P2RY10: variants seen among roughly 807,000 people sequenced by gnomAD.
The protein encoded by P2RY10 is putative P2Y purinoceptor 10.
P2RY10 carries 4 observed loss-of-function variants against 12.1 expected under a neutral mutation model. That is an observed-to-expected ratio of 0.33 (90% CI 0.16 to 0.76). The LOEUF (loss-of-function observed/expected upper bound fraction) is 0.76. P2RY10 is among the 30% of genes least tolerant of loss of function. The pLI is 0.61. For synonymous variants in P2RY10, 112 were observed against 94.1 expected (o/e 1.19, Z -1.10); for missense variants, 233 against 264.6 (o/e 0.88, Z 0.83).
intron 3 of P2RY10, among the ~76,000 whole-genome samples, chrX:78,956,178 A>G (rs890414842): frequency 9.0e-6 from 1 of 111,595 alleles, no homozygotes; most frequent in Non-Finnish European, 1.9e-5. Flanking sequence ...GAGACCTTGG[A>G]CTGTGCTAGT....
Position 78,960,584 on chromosome X carries a change from G to A in P2RY10, c.64G>A (p.Glu22Lys), listed in dbSNP as rs750724183. The change falls in exon 4 of 4, where the codon GAG becomes AAG. Residue 22 changes from glutamate to lysine, a missense_variant. By Grantham distance (56) the Glu-to-Lys change is moderately conservative. Coordinates refer to ENST00000171757, the MANE Select transcript of P2RY10 (RefSeq NM_014499.4). ...KMGSNSTSTA[E>K]IYCNVTNVKF... is the part of the protein sequence containing the mutation. The stretch of plus-strand genomic sequence containing the variant: ...GGGTAGCAACAGTACCAGCACTGCT[G>A]AGATTTACTGTAATGTCACTAATGT... The A allele has an allele frequency of 1.3e-5, 16 of 1,207,448 alleles. No homozygotes were observed. The highest frequency in any genetic ancestry group is 1.7e-5 in the Non-Finnish European group (15 of 891,583).
chrX:78,952,997 G>A (rs746317086), intron 3 of P2RY10, among the ~76,000 whole-genome samples: 1 of 111,443 alleles, frequency 9.0e-6, no homozygotes, highest in East Asian at 2.8e-4. Context: ...GCAAAAAGAG[G>A]GTAGAGGAAA....
In P2RY10 at chrX:78,960,702, G is replaced by A. The variant is rs769811073; in HGVS notation, c.182G>A (p.Arg61His). The change falls in exon 4 of 4, where the codon CGC becomes CAC. Residue 61 changes from arginine (R) to histidine (H), a missense_variant. Coordinates refer to ENST00000171757, the MANE Select transcript of P2RY10 (RefSeq NM_014499.4). ...AGTGCAGCCTTGTGGGTTCTGTGCC[G>A]CTTCATCAGCAAGAAAAATAAAGCC... The part of the protein sequence containing the change: ...ANSAALWVLC[R>H]FISKKNKAII... 5.8e-6 allele frequency: 7 copies of A among 1,209,892 alleles called. No individual in the cohort carries two copies. Among genetic ancestry groups the A allele is most frequent in the South Asian group, 3.5e-5 (2 of 56,866 alleles).
chrX:78,947,504 G>T (rs2742210), intron 1 of P2RY10, among the ~76,000 whole-genome samples: 3 of 112,238 alleles, frequency 2.7e-5, no homozygotes, highest in African/African-American at 9.7e-5. Context: ...GGAGTCAGAA[G>T]TCTGTGTTAT....
At chrX:78,957,387 C>CACACACACACAGAGAG (rs760263078) in intron 3 of P2RY10, among the ~76,000 whole-genome samples, 1 of 75,811 alleles carries the variant, frequency 1.3e-5, no homozygotes, top group Non-Finnish European at 2.7e-5. Flanking sequence ...CACACACACA[C>CACACACACACAGAGAG]AGAGAGAGAG....
At chrX:78,949,274 A>G in intron 2 of P2RY10, among the ~76,000 whole-genome samples, 1 of 111,859 alleles carries the variant, frequency 8.9e-6, no homozygotes, top group East Asian at 2.8e-4. Flanking sequence ...AGTTCCTTGT[A>G]GATTCTAGTT....
chrX:78,962,328 A>G lies in P2RY10; in HGVS notation c.*788A>G, dbSNP rs936515072. 9.0e-6 allele frequency among the ~76,000 whole-genome samples: 1 copy of G among 111,213 alleles called. No homozygotes were observed. The highest frequency in any genetic ancestry group is 1.9e-5 in the Non-Finnish European group (1 of 53,071). On this transcript the variant is annotated 3_prime_UTR_variant, in exon 4 of 4. Transcript: ENST00000171757. ...TAACATCTCATCTTGCCCTCCTAAT[A>G]AACCTGTGGAAGTTGCCGATACAAA... is the stretch of plus-strand genomic sequence containing the variant.
chrX:78,959,903 C>T (rs1360971604), intron 3 of P2RY10, among the ~76,000 whole-genome samples: 1 of 111,741 alleles, frequency 8.9e-6, no homozygotes, highest in Admixed American at 9.5e-5. Context: ...AGACAAACTG[C>T]AGGATAACCT....
At chrX:78,953,528 T>G (rs976455594) in intron 3 of P2RY10, among the ~76,000 whole-genome samples, 1 of 112,407 alleles carries the variant, frequency 8.9e-6, no homozygotes, top group African/African-American at 3.2e-5. Flanking sequence ...TTTGGAAAAG[T>G]GCAAAACTGC....
chrX:78,950,459 C>G (rs1373064753), intron 2 of P2RY10, among the ~76,000 whole-genome samples: 2 of 111,710 alleles, frequency 1.8e-5, no homozygotes, highest in African/African-American at 3.3e-5. Context: ...AAATCCAGTA[C>G]ACCTTTCTAT....
intron 3 of P2RY10, among the ~76,000 whole-genome samples, chrX:78,959,205 T>C (rs979343857): frequency 9.0e-6 from 1 of 111,548 alleles, no homozygotes; most frequent in African/African-American, 3.3e-5. Context: ...AAAACAAAGA[T>C]GAGGAGAAGG....
intron 3 of P2RY10, among the ~76,000 whole-genome samples, chrX:78,959,108 G>GT (rs748079174): frequency 7.2e-5 from 8 of 110,870 alleles, no homozygotes; most frequent in South Asian, 3.8e-4. Flanking sequence ...TCAGTACATT[G>GT]TTTTTTTTCC....
chrX:78,961,468 A>C lies in P2RY10; in HGVS notation c.948A>C (p.Leu316=). 8.3e-7 allele frequency: 1 copy of C among 1,210,680 alleles called. No individual in the cohort carries two copies. Among genetic ancestry groups the C allele is most frequent in the African/African-American group, 1.7e-5 (1 of 57,640 alleles). ...YFMASEFRDQ[L]SRHGSSVTRS... is the part of the protein sequence containing the mutation. ...TGGCTTCAGAGTTTCGTGACCAACTATCCCGCCATGGCAGTTCTGTGACCC... is the reference window on the plus strand; with the variant it reads ...TGGCTTCAGAGTTTCGTGACCAACTCTCCCGCCATGGCAGTTCTGTGACCC... Residue 316 remains leucine, a synonymous_variant, in exon 4 of 4, where the codon CTA becomes CTC. Coordinates refer to ENST00000171757, the MANE Select transcript of P2RY10 (RefSeq NM_014499.4).
At chrX:78,953,717 C>T (rs1470616435) in intron 3 of P2RY10, among the ~76,000 whole-genome samples, 1 of 111,384 alleles carries the variant, frequency 9.0e-6, no homozygotes, top group Admixed American at 9.5e-5. Context: ...ATACTATGTC[C>T]CAAAAAACCC....
chrX:78,956,440 A>C (rs1157088811), intron 3 of P2RY10, among the ~76,000 whole-genome samples: 2 of 111,774 alleles, frequency 1.8e-5, no homozygotes, highest in East Asian at 5.6e-4. Context: ...TTGTTTAAGC[A>C]GTTCAGTTCA....
At chrX:78,954,450 A>G (rs1261750595) in intron 3 of P2RY10, among the ~76,000 whole-genome samples, 4 of 110,854 alleles carry the variant, frequency 3.6e-5, no homozygotes, top group Admixed American at 1.9e-4. Flanking sequence ...GAAACCTTGG[A>G]TGTTATTTAT....
intron 1 of P2RY10, among the ~76,000 whole-genome samples, chrX:78,945,809 T>A (rs1433180024): frequency 8.9e-6 from 1 of 112,034 alleles, no homozygotes; most frequent in Non-Finnish European, 1.9e-5. Flanking sequence ...AAGAAGAGTA[T>A]ATTCAGTGAG....
chrX:78,949,481 C>T (rs905243861), intron 2 of P2RY10, among the ~76,000 whole-genome samples: 3 of 111,578 alleles, frequency 2.7e-5, no homozygotes, highest in Admixed American at 9.5e-5. Context: ...GCCAGAGAAC[C>T]GACAATTGAG....
intron 3 of P2RY10, among the ~76,000 whole-genome samples, chrX:78,960,211 T>G (rs931422919): frequency 2.7e-5 from 3 of 112,259 alleles, no homozygotes; most frequent in Non-Finnish European, 3.8e-5. Flanking sequence ...CTATGCTGTT[T>G]TTGCTGTGGT....
Sources: gnomAD v4.1 joint callset for allele counts (sites outside exome capture counted in the v4.1 genomes callset) on GRCh38, gnomAD v4.1.1 for gene constraint, MANE v1.5 for transcripts, NCBI Gene and HGNC (gene_info 2026-07-23, HGNC 2026-07-21) for gene names.